ZRANB1: variants seen among roughly 807,000 people sequenced by gnomAD.
ZRANB1 encodes the protein ubiquitin thioesterase ZRANB1.
A neutral mutation model predicts 80.5 loss-of-function variants in ZRANB1; 16 were observed. The ratio of observed to expected loss-of-function variants is 0.20; its 90% CI spans 0.13 to 0.30. The LOEUF is 0.30. Among genes scored for constraint, ZRANB1 ranks in the 10% least tolerant of loss-of-function variants. ZRANB1 has a pLI of 1.00. For missense variants in ZRANB1, 576 were observed against 862.6 expected, an observed-to-expected ratio of 0.67 and a Z score of 4.16; for synonymous variants, 291 against 293.1, an observed-to-expected ratio of 0.99 and a Z score of 0.07.
At chr10:124,966,844 T>G in intron 2 of ZRANB1, 63 bp downstream of exon 2, 1 of 1,439,438 alleles carries the variant, frequency 6.9e-7, no homozygotes, top group Non-Finnish European at 9.5e-7. Context: ...TTAGTTTTCA[T>G]TTTTGATTTT....
the ZRANB1 span, among the ~76,000 whole-genome samples, chr10:124,926,531 C>T: frequency 2.0e-5 from 3 of 152,240 alleles, no homozygotes; most frequent in Middle Eastern, 3.4e-3. Flanking sequence ...GGAAGGTCTT[C>T]GGGGGCAATA....
At chr10:124,937,557 C>G (rs1019632635), upstream of ZRANB1, among the ~76,000 whole-genome samples, 1 of 151,704 alleles carries the variant, frequency 6.6e-6, no homozygotes, top group African/African-American at 2.4e-5. Flanking sequence ...AGTGTAGCTA[C>G]AATTTTGAGG....
At chr10:124,925,809 C>A in the ZRANB1 span, among the ~76,000 whole-genome samples, 1 of 152,138 alleles carries the variant, frequency 6.6e-6, no homozygotes, top group Non-Finnish European at 1.5e-5. Flanking sequence ...TGTTGAAACA[C>A]ACTTAGTTTT....
the ZRANB1 span, among the ~76,000 whole-genome samples, chr10:124,921,176 C>T: frequency 1.8e-4 from 28 of 152,146 alleles, no homozygotes; most frequent in Non-Finnish European, 3.5e-4. Context: ...AGATTTGTGT[C>T]TGGGGCAGTT....
chr10:124,941,356 A>G (rs750296739), upstream of ZRANB1, among the ~76,000 whole-genome samples: 1 of 151,976 alleles, frequency 6.6e-6, no homozygotes, highest in Non-Finnish European at 1.5e-5. Flanking sequence ...TATGAATTGG[A>G]TTTTTTGGGG....
chr10:124,949,381 A>C (rs1473213398), intron 1 of ZRANB1, among the ~76,000 whole-genome samples: 1 of 147,596 alleles, frequency 6.8e-6, no homozygotes, highest in East Asian at 1.9e-4. Context: ...AATCAAACTT[A>C]AGTAACAAGT....
chr10:124,974,263 G>A lies in ZRANB1; in HGVS notation c.1292G>A (p.Arg431Gln). Residue 431 changes from arginine to glutamine, a missense_variant, in exon 5 of 9, where the codon CGA becomes CAA. By Grantham distance (43) the Arg-to-Gln change is conservative. Around this residue, in one of 3 missense-constraint regions of ZRANB1, gnomAD observed 411 missense variants for 583.1 expected, o/e 0.70. Transcript: ENST00000359653. ...GAATTGGCTACACGTTTGGACAGTCGACTGTATGCACTTTGGAACCGGACT... is the reference window on the plus strand; with the variant it reads ...GAATTGGCTACACGTTTGGACAGTCAACTGTATGCACTTTGGAACCGGACT... ...SLELATRLDSRLYALWNRTAG... is the reference protein window; with the variant it reads ...SLELATRLDSQLYALWNRTAG... 6.2e-7 allele frequency: 1 copy of A among 1,614,186 alleles called. No homozygotes were observed. Among genetic ancestry groups the A allele is most frequent in the East Asian group, 2.2e-5 (1 of 44,888 alleles).
chr10:124,939,020 T>TA (rs375617631), upstream of ZRANB1, among the ~76,000 whole-genome samples: 563 of 151,718 alleles, frequency 3.7e-3, 1 homozygote, highest in African/African-American at 0.013. Context: ...CTACTAAAAA[T>TA]AAAAAAATTG....
chr10:124,957,241 G>T (rs1468689737), intron 1 of ZRANB1, among the ~76,000 whole-genome samples: 2 of 151,376 alleles, frequency 1.3e-5, no homozygotes, highest in Non-Finnish European at 2.9e-5. Flanking sequence ...CTTCAATTTA[G>T]ATTTGTGGAT....
At chr10:124,924,465 T>TA in the ZRANB1 span, among the ~76,000 whole-genome samples, 1 of 152,190 alleles carries the variant, frequency 6.6e-6, no homozygotes, top group African/African-American at 2.4e-5. Context: ...AGAAACTCTG[T>TA]ACTCATTAAG....
intron 1 of ZRANB1, among the ~76,000 whole-genome samples, chr10:124,966,378 T>C (rs929505242): frequency 6.6e-6 from 1 of 151,972 alleles, no homozygotes; most frequent in Non-Finnish European, 1.5e-5. Context: ...GCACTGATGG[T>C]AAGGTAAATG....
intron 4 of ZRANB1, 111 bp from the exon 5 acceptor site, chr10:124,974,089 G>A: frequency 9.8e-7 from 1 of 1,023,330 alleles, no homozygotes; most frequent in Non-Finnish European, 1.4e-6. Flanking sequence ...GGTGTTTATT[G>A]GTAAATTACA....
chr10:124,945,785 T>C (rs2134246328), intron 1 of ZRANB1: 1 of 152,324 alleles, frequency 6.6e-6, no homozygotes, highest in African/African-American at 2.4e-5. Context: ...CTAGCCATCC[T>C]TGTACCTCTT....
chr10:124,958,208 G>T (rs920512846), intron 1 of ZRANB1, among the ~76,000 whole-genome samples: 2 of 152,216 alleles, frequency 1.3e-5, no homozygotes, highest in South Asian at 4.1e-4. Context: ...AATAAAGGCA[G>T]ACAACTTGCG....
Position 124,943,051 on chromosome 10 carries a change from A to G in ZRANB1, c.558A>G (p.Ala186=), listed in dbSNP as rs748889469. ...ATAACATTGAAGCAATAGAATTGGC[A>G]GAGACTGAAGAGGCTTCTTCAATAA... is the stretch of plus-strand genomic sequence containing the variant. ...RPNNIEAIEL[A]ETEEASSIIN... The change falls in exon 1 of 9, where the codon GCA becomes GCG. Residue 186 remains alanine, a synonymous_variant. Transcript: ENST00000359653. The G allele has an allele frequency of 6.2e-7, 1 of 1,614,124 alleles. No homozygotes were observed. The highest frequency in any genetic ancestry group is 8.5e-7 in the Non-Finnish European group (1 of 1,180,036).
At chr10:124,951,239 G>A (rs1321929170) in intron 1 of ZRANB1, among the ~76,000 whole-genome samples, 1 of 152,014 alleles carries the variant, frequency 6.6e-6, no homozygotes, top group Admixed American at 6.6e-5. Flanking sequence ...CTTCTATAAT[G>A]ATTTTTTTAA....
intron 5 of ZRANB1, among the ~76,000 whole-genome samples, chr10:124,979,760 C>T (rs1428559063): frequency 6.6e-6 from 1 of 152,006 alleles, no homozygotes; most frequent in Non-Finnish European, 1.5e-5. Flanking sequence ...GTTTCGGTAC[C>T]TTTAATTGAA....
chr10:124,966,514 AT>A (rs1951777753), intron 1 of ZRANB1, 79 bp from the exon 2 acceptor site: 2 of 1,396,416 alleles, frequency 1.4e-6, no homozygotes, highest in East Asian at 2.3e-5. Flanking sequence ...CACTTAAAAG[AT>A]TTTGGAGTGA....
At chr10:124,922,309 ATATATGTAAAATATATG>A in the ZRANB1 span, among the ~76,000 whole-genome samples, 1,770 of 29,850 alleles carry the variant, frequency 0.059, 77 homozygotes, top group Admixed American at 0.24. Flanking sequence ...AAATATATAT[ATATATGTAAAATATATG>A]TATATATATA....
Sources: gnomAD v4.1 joint callset for allele counts (sites outside exome capture counted in the v4.1 genomes callset) on GRCh38, gnomAD v4.1.1 for gene constraint, gnomAD v4.1.1 regional missense constraint, MANE v1.5 for transcripts, NCBI Gene and HGNC (gene_info 2026-07-23, HGNC 2026-07-21) for gene names.